LSAMP: variants seen among roughly 807,000 people sequenced by gnomAD.
LSAMP encodes the protein limbic system associated membrane protein, also known as limbic system-associated membrane protein.
A neutral mutation model predicts 38.6 loss-of-function variants in LSAMP; 7 were observed. That is an observed-to-expected ratio of 0.18 (90% CI 0.10 to 0.34). LSAMP has a LOEUF of 0.34. Ranked by LOEUF, LSAMP falls within the 10% of genes least tolerant of loss-of-function variation. The probability of loss-of-function intolerance (pLI) is 1.00; values close to 1 mark genes in which losing one functional copy is unlikely to be tolerated. For synonymous variants in LSAMP, 154 were observed against 166.8 expected, an observed-to-expected ratio of 0.92 and a Z score of 0.59; for missense variants, 313 against 420.0, an observed-to-expected ratio of 0.75 and a Z score of 2.23.
chr3:116,198,928 TA>T (rs1194743952), intron 1 of LSAMP, among the ~76,000 whole-genome samples: 1 of 151,742 alleles, frequency 6.6e-6, no homozygotes, highest in Non-Finnish European at 1.5e-5. Flanking sequence ...TAGTTGTTTT[TA>T]AAAAATTAGC....
At chr3:116,254,430 GGAGAAA>G (rs1251478497) in intron 1 of LSAMP, among the ~76,000 whole-genome samples, 2 of 152,052 alleles carry the variant, frequency 1.3e-5, no homozygotes, top group African/African-American at 4.8e-5. Flanking sequence ...GGTGATAGAG[GGAGAAA>G]GAGAAAGGGA....
intron 3 of LSAMP, among the ~76,000 whole-genome samples, chr3:115,996,866 T>G (rs1231058844): frequency 6.6e-6 from 1 of 152,108 alleles, no homozygotes; most frequent in East Asian, 1.9e-4. Context: ...CTGGCCAGAA[T>G]TGTCTTCCCA....
intron 1 of LSAMP, among the ~76,000 whole-genome samples, chr3:116,141,118 T>C (rs1040351692): frequency 7.9e-5 from 12 of 151,954 alleles, no homozygotes; most frequent in African/African-American, 2.4e-4. Flanking sequence ...AAATGTCTCA[T>C]CTGCATTGAC....
intron 1 of LSAMP, among the ~76,000 whole-genome samples, chr3:116,211,216 T>C (rs1412164074): frequency 6.6e-6 from 1 of 152,146 alleles, no homozygotes; most frequent in Admixed American, 6.5e-5. Flanking sequence ...AAGATGTTGG[T>C]CAAAGGATGC....
At chr3:116,010,939 G>T (rs866629834) in intron 3 of LSAMP, among the ~76,000 whole-genome samples, 6 of 151,980 alleles carry the variant, frequency 3.9e-5, no homozygotes, top group Admixed American at 6.5e-5. Flanking sequence ...CAATAACTTG[G>T]TTGATTGATT....
At chr3:115,907,784 G>A (rs1260124432) in intron 3 of LSAMP, among the ~76,000 whole-genome samples, 1 of 152,140 alleles carries the variant, frequency 6.6e-6, no homozygotes, top group Non-Finnish European at 1.5e-5. Flanking sequence ...TAAAATCACA[G>A]ATTTTTGTGT....
chr3:116,142,826 G>T (rs1300915731), intron 1 of LSAMP, among the ~76,000 whole-genome samples: 2 of 151,822 alleles, frequency 1.3e-5, no homozygotes. Context: ...TATTAAGGCA[G>T]ATTGAAGGTG....
At chr3:116,197,163 A>ACTCTCTCTCTCTCTCTCTCTCT (rs1553712533) in intron 1 of LSAMP, among the ~76,000 whole-genome samples, 3 of 139,082 alleles carry the variant, frequency 2.2e-5, no homozygotes, top group African/African-American at 7.8e-5. Flanking sequence ...ACACACACAC[A>ACTCTCTCTCTCTCTCTCTCTCT]CTCTCTCTCT....
chr3:115,937,295 T>C (rs1320911795), intron 3 of LSAMP, among the ~76,000 whole-genome samples: 1 of 152,148 alleles, frequency 6.6e-6, no homozygotes, highest in Admixed American at 6.6e-5. Flanking sequence ...GTCAATGCAA[T>C]AAGATTTTAT....
intron 3 of LSAMP, among the ~76,000 whole-genome samples, chr3:115,989,978 G>C (rs61025769): frequency 6.6e-6 from 1 of 151,776 alleles, no homozygotes; most frequent in African/African-American, 2.4e-5. Context: ...TAATATAAGT[G>C]GATAGATTGT....
At chr3:116,288,965 C>G (rs1333382150) in intron 1 of LSAMP, among the ~76,000 whole-genome samples, 2 of 152,174 alleles carry the variant, frequency 1.3e-5, no homozygotes, top group Non-Finnish European at 1.5e-5. Context: ...TCTGTGCTTT[C>G]CCAGTTTTAA....
intron 3 of LSAMP, among the ~76,000 whole-genome samples, chr3:115,933,320 G>A (rs1293304391): frequency 1.3e-5 from 2 of 152,184 alleles, no homozygotes; most frequent in African/African-American, 4.8e-5. Context: ...GAAGCCTACA[G>A]CATTTGCTCA....
rs368844088 is a variant in LSAMP at position 115,864,736 on chromosome 3, C to T, written c.515-12119G>A. 9.2e-5 allele frequency among the ~76,000 whole-genome samples: 14 copies of T among 152,108 alleles called. 1 individual carries two copies. Among genetic ancestry groups the T allele is most frequent in the South Asian group, 4.2e-4 (2 of 4,810 alleles). On this transcript the variant is annotated intron_variant, in intron 3 of 6. Transcript: ENST00000490035. Reference sequence around the variant, plus strand: ...CCCTCCCAGCCTAAACAGTGTGAACCGCAAAATGATTTTCATGAAAGTGTA... The same window carrying T: ...CCCTCCCAGCCTAAACAGTGTGAACTGCAAAATGATTTTCATGAAAGTGTA...
At chr3:116,340,783 G>A (rs916140067) in intron 1 of LSAMP, among the ~76,000 whole-genome samples, 1 of 151,956 alleles carries the variant, frequency 6.6e-6, no homozygotes, top group Non-Finnish European at 1.5e-5. Context: ...TTACTGCTCA[G>A]TAAACCTCAG....
intron 1 of LSAMP, among the ~76,000 whole-genome samples, chr3:116,136,691 C>T (rs955807042): frequency 2.6e-5 from 4 of 151,954 alleles, no homozygotes; most frequent in African/African-American, 4.8e-5. Context: ...TTATTATTTT[C>T]TCAGTCTTCA....
chr3:115,822,485 C>T (rs1443269180), intron 6 of LSAMP, among the ~76,000 whole-genome samples: 2 of 151,780 alleles, frequency 1.3e-5, no homozygotes, highest in Non-Finnish European at 2.9e-5. Context: ...CTCAGCCTCC[C>T]GAGTAGCTGG....
intron 3 of LSAMP, among the ~76,000 whole-genome samples, chr3:115,882,340 T>C (rs1433923547): frequency 6.6e-6 from 1 of 152,094 alleles, no homozygotes; most frequent in African/African-American, 2.4e-5. Context: ...CAAGGATCTT[T>C]TTAAGACTTT....
At chr3:116,076,058 T>A (rs966604449) in intron 2 of LSAMP, among the ~76,000 whole-genome samples, 14 of 152,178 alleles carry the variant, frequency 9.2e-5, no homozygotes, top group South Asian at 2.1e-4. Flanking sequence ...TACAATTTTT[T>A]AAAAAATTAA....
At chr3:116,269,716 T>A (rs2046944084) in intron 1 of LSAMP, among the ~76,000 whole-genome samples, 2 of 152,266 alleles carry the variant, frequency 1.3e-5, no homozygotes, top group East Asian at 1.9e-4. Context: ...AAATTTGGAC[T>A]GTCCTGAGCA....
Sources: allele counts gnomAD v4.1 joint callset (sites outside exome capture counted in the v4.1 genomes callset), GRCh38; gene constraint gnomAD v4.1.1; transcripts MANE v1.5; gene names NCBI Gene and HGNC (gene_info 2026-07-23, HGNC 2026-07-21).